The following PDE4D variants were observed in gnomAD, a reference collection of about 807,000 sequenced individuals.
PDE4D encodes the protein phosphodiesterase 4D, also known as 3',5'-cyclic-AMP phosphodiesterase 4D.
PDE4D carries 24 observed loss-of-function variants against 87.4 expected under a neutral mutation model. That is an observed-to-expected ratio of 0.27 (90% confidence interval 0.20 to 0.39). The LOEUF (loss-of-function observed/expected upper bound fraction) is 0.39. PDE4D is among the 10% of genes least tolerant of loss of function. The pLI is 1.00. For missense variants in PDE4D, 714 were observed against 1,041.0 expected (o/e 0.69, Z 4.32); for synonymous variants, 384 against 383.2 (o/e 1.00, Z -0.02).
intron 1 of PDE4D, among the ~76,000 whole-genome samples, chr5:60,239,861 T>C (rs946459094): frequency 3.3e-5 from 5 of 152,064 alleles, no homozygotes; most frequent in African/African-American, 1.2e-4. Flanking sequence ...AGTTTTTCAA[T>C]GAAGTCTCTT....
chr5:59,461,153 C>T (rs575103933), intron 1 of PDE4D, among the ~76,000 whole-genome samples: 47 of 151,954 alleles, frequency 3.1e-4, no homozygotes, highest in Non-Finnish European at 5.4e-4. Context: ...GCAACATGTA[C>T]TGACATAAAT....
intron 1 of PDE4D, among the ~76,000 whole-genome samples, chr5:59,330,732 A>C (rs1307394497): frequency 6.6e-6 from 1 of 152,178 alleles, no homozygotes; most frequent in African/African-American, 2.4e-5. Context: ...GAAATTTCAT[A>C]TGTAGACTAA....
At chr5:59,261,252 T>C (rs1212178804) in intron 1 of PDE4D, among the ~76,000 whole-genome samples, 1 of 151,880 alleles carries the variant, frequency 6.6e-6, no homozygotes, top group Non-Finnish European at 1.5e-5. Context: ...GCATTGAATC[T>C]GGTCTTTGAT....
intron 3 of PDE4D, among the ~76,000 whole-genome samples, chr5:59,192,172 A>G (rs1744476707): frequency 6.6e-6 from 1 of 152,214 alleles, no homozygotes; most frequent in South Asian, 2.1e-4. Context: ...GGAAAGTTTT[A>G]AAAAGTAGAA....
At chr5:59,174,689 A>C (rs1783548554) in intron 5 of PDE4D, among the ~76,000 whole-genome samples, 2 of 152,130 alleles carry the variant, frequency 1.3e-5, no homozygotes, top group South Asian at 2.1e-4. Context: ...TTAATACTTC[A>C]TTTACTTTCT....
chr5:58,997,399 A>T (rs949872356), intron 6 of PDE4D, among the ~76,000 whole-genome samples: 1 of 152,164 alleles, frequency 6.6e-6, no homozygotes, highest in Non-Finnish European at 1.5e-5. Context: ...ATATTTACTA[A>T]GATAACTACA....
intron 2 of PDE4D, among the ~76,000 whole-genome samples, chr5:59,197,193 G>T (rs979325270): frequency 6.6e-6 from 1 of 151,696 alleles, no homozygotes; most frequent in African/African-American, 2.4e-5. Context: ...AACTCAAAAG[G>T]GTTGCATATT....
intron 1 of PDE4D, among the ~76,000 whole-genome samples, chr5:59,457,758 G>T (rs1318647714): frequency 6.6e-6 from 1 of 152,060 alleles, no homozygotes. Context: ...GGCTGGGCAT[G>T]GTGGTGGGCG....
chr5:59,743,184 T>C (rs797007817), intron 1 of PDE4D, among the ~76,000 whole-genome samples: 5 of 151,868 alleles, frequency 3.3e-5, no homozygotes, highest in African/African-American at 1.2e-4. Flanking sequence ...ACATTACAGA[T>C]AGACAAAAGT....
intron 5 of PDE4D, among the ~76,000 whole-genome samples, chr5:59,071,683 CTTTTT>C (rs10701223): frequency 3.6e-5 from 3 of 82,402 alleles, no homozygotes; most frequent in South Asian, 4.8e-4. Context: ...TATTTCTCTT[CTTTTT>C]TTTTTTTTTT....
At chr5:59,030,225 A>C (rs1366717175) in intron 6 of PDE4D, among the ~76,000 whole-genome samples, 1 of 152,068 alleles carries the variant, frequency 6.6e-6, no homozygotes, top group Non-Finnish European at 1.5e-5. Context: ...CAAGCAACCA[A>C]ATAATAGAGT....
At chr5:60,212,670 T>G (rs529008824) in intron 1 of PDE4D, among the ~76,000 whole-genome samples, 1 of 152,348 alleles carries the variant, frequency 6.6e-6, no homozygotes, top group African/African-American at 2.4e-5. Flanking sequence ...TTAACCCGAT[T>G]GCACCACTTA....
chr5:59,758,305 C>G (rs2150762737), intron 1 of PDE4D, among the ~76,000 whole-genome samples: 1 of 152,250 alleles, frequency 6.6e-6, no homozygotes, highest in East Asian at 1.9e-4. Context: ...CACAAAGTAC[C>G]TGACACATGG....
At chr5:59,035,708 T>C (rs142830538) in intron 6 of PDE4D, among the ~76,000 whole-genome samples, 1 of 152,214 alleles carries the variant, frequency 6.6e-6, no homozygotes, top group South Asian at 2.1e-4. Context: ...ATTTCTCTAA[T>C]GTAACTCCAT....
intron 1 of PDE4D, among the ~76,000 whole-genome samples, chr5:60,268,602 C>T (rs1430643545): frequency 6.6e-6 from 1 of 152,200 alleles, no homozygotes; most frequent in Non-Finnish European, 1.5e-5. Context: ...TTAGTTTTGC[C>T]TCTGCTCCCA....
At chr5:60,093,307 G>A (rs764566277) in intron 2 of PDE4D, among the ~76,000 whole-genome samples, 7 of 152,166 alleles carry the variant, frequency 4.6e-5, no homozygotes, top group East Asian at 3.9e-4. Context: ...TATGGTTGCC[G>A]TGGACACCAT....
chr5:59,012,686 T>G (rs1345403224), intron 6 of PDE4D, among the ~76,000 whole-genome samples: 2 of 152,284 alleles, frequency 1.3e-5, no homozygotes, highest in East Asian at 3.9e-4. Context: ...AGACTTAGAC[T>G]TCTACACAAT....
chr5:60,475,658 CT>C (rs1287023076), intron 1 of PDE4D, among the ~76,000 whole-genome samples: 1 of 151,994 alleles, frequency 6.6e-6, no homozygotes, highest in African/African-American at 2.4e-5. Flanking sequence ...CTATTATATA[CT>C]AGAAATGTTT....
intron 1 of PDE4D, among the ~76,000 whole-genome samples, chr5:59,450,961 C>G (rs1401231944): frequency 1.3e-5 from 2 of 152,296 alleles, no homozygotes; most frequent in East Asian, 3.9e-4. Context: ...TTCCTACTTC[C>G]CTATCCAGAT....
Sources: allele counts gnomAD v4.1 joint callset (sites outside exome capture counted in the v4.1 genomes callset), GRCh38; gene constraint gnomAD v4.1.1; transcripts MANE v1.5; gene names NCBI Gene and HGNC (gene_info 2026-07-23, HGNC 2026-07-21).